Variants in RP1 observed in about 807,000 individuals in gnomAD.
RP1 encodes RP1 axonemal microtubule associated.
RP1 carries 16 observed loss-of-function variants against 14.8 expected under a neutral mutation model. The observed-to-expected ratio is 1.08, with a 90% CI of 0.73 to 1.65. RP1 has a LOEUF of 1.65. RP1 is among the 40% of genes most tolerant of loss of function. The pLI, the probability that RP1 is intolerant of heterozygous loss-of-function variation, is 0.00. For synonymous variants in RP1, 876 were observed against 883.6 expected (o/e 0.99, Z 0.15); for missense variants, 2,631 against 2,535.0 (o/e 1.04, Z -0.81).
intron 1 of RP1, among the ~76,000 whole-genome samples, chr8:54,586,390 G>A (rs572367568): frequency 6.6e-6 from 1 of 152,202 alleles, no homozygotes; most frequent in African/African-American, 2.4e-5. Flanking sequence ...GGCCGTGTGA[G>A]GTGTCAGTCT....
chr8:54,601,372 T>TA (rs1274190845), intron 1 of RP1, among the ~76,000 whole-genome samples: 2 of 124,968 alleles, frequency 1.6e-5, no homozygotes, highest in African/African-American at 3.1e-5. Context: ...AATTGAACAA[T>TA]GGGAACACAT....
At chr8:54,680,660 A>T (rs1807404878) in intron 12 of RP1, among the ~76,000 whole-genome samples, 1 of 152,130 alleles carries the variant, frequency 6.6e-6, no homozygotes, top group Non-Finnish European at 1.5e-5. Context: ...TTTCTCCTGT[A>T]TGAAAATAAA....
intron 26 of RP1, among the ~76,000 whole-genome samples, chr8:54,854,551 G>A (rs900771246): frequency 1.3e-5 from 2 of 152,262 alleles, no homozygotes; most frequent in Admixed American, 6.5e-5. Flanking sequence ...AATCTAGGGG[G>A]TTGATTAGGA....
At chr8:54,580,708 T>C (rs1804770287) in intron 1 of RP1, among the ~76,000 whole-genome samples, 1 of 151,254 alleles carries the variant, frequency 6.6e-6, no homozygotes, top group African/African-American at 2.4e-5. Flanking sequence ...AACCTCTGCC[T>C]CCTGGGTTCA....
intron 16 of RP1, among the ~76,000 whole-genome samples, chr8:54,720,738 A>G (rs1808515679): frequency 6.6e-6 from 1 of 152,232 alleles, no homozygotes; most frequent in Non-Finnish European, 1.5e-5. Context: ...GATTAAAAAT[A>G]GGATTTGGAA....
upstream of RP1, among the ~76,000 whole-genome samples, chr8:54,613,862 G>A (rs1416289757): frequency 3.3e-5 from 5 of 152,182 alleles, no homozygotes; most frequent in Non-Finnish European, 7.3e-5. Flanking sequence ...AATGAAATTG[G>A]AAAAGTAAGC....
Position 54,791,431 on chromosome 8 carries a change from G to T in RP1, c.3615+7721G>T, listed in dbSNP as rs552292693. Among the ~76,000 whole-genome samples, 3 of 152,164 alleles carry T rather than the reference G, an allele frequency of 2.0e-5. No individual in the cohort carries two copies. In the South Asian group the frequency reaches 6.2e-4, roughly 32 times the overall value. ...CTTGTTGTAAAAATAAATATATATA[G>T]TCAAAGGCAGAATTCTCTAAATTTT... is the stretch of plus-strand genomic sequence containing the variant. On this transcript the variant is annotated intron_variant, in intron 24 of 28. Transcript: ENST00000637698.
chr8:54,822,264 G>A (rs949488177), intron 24 of RP1, among the ~76,000 whole-genome samples: 3 of 152,106 alleles, frequency 2.0e-5, no homozygotes, highest in Non-Finnish European at 2.9e-5. Flanking sequence ...TATGAAAGAG[G>A]TAAACATTCT....
Position 54,752,657 on chromosome 8 carries a change from A to G in RP1, c.2809-2146A>G, listed in dbSNP as rs554684825. Among the ~76,000 whole-genome samples, 3 of 152,336 alleles carry G rather than the reference A, an allele frequency of 2.0e-5. No homozygotes were observed. The South Asian group carries it at 6.2e-4, about 32-fold the overall frequency. On this transcript the variant is annotated intron_variant, in intron 19 of 22. Transcript: ENST00000636932. The stretch of plus-strand genomic sequence containing the variant: ...ACTGACCTGGCCAGGACGCCATGCC[A>G]TCATCCCATTGCAGGGCACGCTCAT...
chr8:54,642,704 T>G (rs1243671727), intron 3 of RP1, among the ~76,000 whole-genome samples: 1 of 152,154 alleles, frequency 6.6e-6, no homozygotes, highest in African/African-American at 2.4e-5. Flanking sequence ...TTGGCGTCGT[T>G]CTGAGTATAT....
chr8:54,625,093 T>G lies in RP1; in HGVS notation c.1211T>G (p.Leu404Trp). ...MERSSNQEGS[L>W]AEEINIQMTD... ...CGAAGCAGTAATCAAGAGGGCAGTT[T>G]GGCAGAGGAGATAAACATTCAAATG... is the stretch of plus-strand genomic sequence containing the variant. Residue 404 changes from leucine (L) to tryptophan (W), a missense_variant, in exon 4 of 4, where the codon TTG (leucine) becomes TGG (tryptophan). Leu to Trp is a moderately conservative substitution (Grantham distance 61). Transcript: ENST00000220676. 1 of 1,614,158 alleles carries G rather than the reference T, an allele frequency of 6.2e-7. No individual in the cohort carries two copies. Among genetic ancestry groups the G allele is most frequent in the Non-Finnish European group, 8.5e-7 (1 of 1,180,042 alleles).
exon 14 of RP1, chr8:54,701,661 A>G: frequency 6.5e-7 from 1 of 1,534,698 alleles, no homozygotes. Flanking sequence ...ATTTTTGTCA[A>G]GGTAAAATGG....
intron 19 of RP1, among the ~76,000 whole-genome samples, chr8:54,748,689 A>G (rs1457597164): frequency 2.6e-5 from 4 of 152,226 alleles, no homozygotes; most frequent in Non-Finnish European, 5.9e-5. Flanking sequence ...GAAAATACTA[A>G]TGACTGACAT....
chr8:54,627,633 G>A lies in RP1; in HGVS notation c.3751G>A (p.Val1251Ile). The change falls in exon 4 of 4, where the codon GTT becomes ATT. Residue 1251 changes from valine to isoleucine, a missense_variant. Physicochemically the swap from Val to Ile is conservative, Grantham distance 29. Coordinates refer to ENST00000220676, the MANE Select transcript of RP1 (RefSeq NM_006269.2). ...TGAGGCATGTGCCCCTGAAGTCTGT[G>A]TTTTGGAAGTGACTTGCTCTCCATG... ...ASEACAPEVCVLEVTCSPCEM... is the reference protein window; with the variant it reads ...ASEACAPEVCILEVTCSPCEM... The A allele has an allele frequency of 1.2e-6, 2 of 1,614,182 alleles. No individual in the cohort carries two copies. Among genetic ancestry groups the A allele is most frequent in the South Asian group, 2.2e-5 (2 of 91,082 alleles).
At chr8:54,597,081 A>G (rs1805166316) in intron 1 of RP1, among the ~76,000 whole-genome samples, 1 of 152,178 alleles carries the variant, frequency 6.6e-6, no homozygotes, top group Non-Finnish European at 1.5e-5. Context: ...CATGTTCAAT[A>G]GAATAGAACT....
chr8:54,623,645 T>C (rs1459099569), intron 3 of RP1, among the ~76,000 whole-genome samples: 1 of 152,178 alleles, frequency 6.6e-6, no homozygotes, highest in Non-Finnish European at 1.5e-5. Context: ...AGGTTAATGC[T>C]GAAGATACAT....
At position 54,589,318 on chromosome 8, in the gene RP1, G is replaced by C. The variant is rs1000887932; in HGVS notation, c.-13+29998G>C. ...TAATATCCTGAATTTGGAAATTTTG[G>C]ATAATTTTTTTTGGGGGAGAGGGTA... On this transcript the variant is annotated intron_variant, in intron 1 of 22. Coordinates refer to the RP1 transcript ENST00000636932. 3.9e-5 allele frequency among the ~76,000 whole-genome samples: 6 copies of C among 152,160 alleles called. No individual in the cohort carries two copies. The South Asian group carries it at 1.2e-3, about 32-fold the overall frequency.
chr8:54,629,234 A>G lies in RP1; in HGVS notation c.5352A>G (p.Pro1784=). Residue 1784 remains proline (P), a synonymous_variant, in exon 4 of 4, where the codon CCA becomes CCG. Transcript: ENST00000220676. ...TTGATAATAACAGCAGTGAGGTACC[A>G]TATTCACATTTTGGTAATTTGGCCC... ...TLLDNNSSEV[P]YSHFGNLAPG... 1 of 1,614,078 alleles carries G rather than the reference A, an allele frequency of 6.2e-7. No homozygotes were observed. Among genetic ancestry groups the G allele is most frequent in the Admixed American group, 1.7e-5 (1 of 60,016 alleles).
intron 1 of RP1, among the ~76,000 whole-genome samples, chr8:54,609,524 G>T (rs1284920854): frequency 6.6e-6 from 1 of 151,990 alleles, no homozygotes; most frequent in African/African-American, 2.4e-5. Context: ...ACATAAAACA[G>T]AATACACTTA....
Sources: gnomAD v4.1 joint callset for allele counts (sites outside exome capture counted in the v4.1 genomes callset) on GRCh38, gnomAD v4.1.1 for gene constraint, MANE v1.5 for transcripts, NCBI Gene and HGNC (gene_info 2026-07-23, HGNC 2026-07-21) for gene names.